Variants in KALRN observed in about 807,000 individuals in gnomAD.
KALRN encodes kalirin.
In KALRN, 70 loss-of-function variants were observed where a neutral mutation model predicts 353.7. The observed-to-expected ratio is 0.20, with a 90% CI of 0.16 to 0.24. The LOEUF (loss-of-function observed/expected upper bound fraction) is 0.24, where lower values mean the gene tolerates loss of function less well. Among genes scored for constraint, KALRN ranks in the 10% least tolerant of loss-of-function variants. KALRN has a pLI of 1.00. For synonymous variants in KALRN, 1,391 were observed against 1,434.8 expected (o/e 0.97, Z 0.69); for missense variants, 2,791 against 3,756.7 (o/e 0.74, Z 6.72).
intron 1 of KALRN, among the ~76,000 whole-genome samples, chr3:124,067,547 T>C (rs2042478213): frequency 6.6e-6 from 1 of 151,920 alleles, no homozygotes. Flanking sequence ...AGAGAAAAGA[T>C]ATGGGATAGG....
rs535386155 is a variant in KALRN, at chr3:124,268,681, A to G, written c.457-62A>G. On this transcript the variant is annotated intron_variant, in intron 4 of 59. Coordinates refer to ENST00000682506, the MANE Select transcript of KALRN (RefSeq NM_001388419.1). ...TTTATCTTGTCCTTTCCCTCATCCT[A>G]TTTCTGCCCTGTTCTTCCCCTGACA... 5.2e-6 allele frequency: 8 copies of G among 1,543,210 alleles called. No individual in the cohort carries two copies. In the Admixed American group the frequency reaches 8.5e-5, roughly 16 times the overall value.
intron 34 of KALRN, among the ~76,000 whole-genome samples, chr3:124,594,643 G>C (rs773837301): frequency 1.6e-4 from 24 of 152,208 alleles, no homozygotes; most frequent in Non-Finnish European, 1.0e-4. Flanking sequence ...CCTGGGAAGA[G>C]TCCTGGGTTA....
intron 38 of KALRN, 103 bp from the exon 39 acceptor site, chr3:124,655,498 G>T: frequency 1.2e-6 from 1 of 844,722 alleles, no homozygotes; most frequent in South Asian, 1.5e-5. Flanking sequence ...GTTTTAAGGG[G>T]TCTTGTTATA....
intron 55 of KALRN, among the ~76,000 whole-genome samples, chr3:124,698,157 C>A (rs1185343446): frequency 6.6e-6 from 1 of 152,154 alleles, no homozygotes; most frequent in Non-Finnish European, 1.5e-5. Flanking sequence ...TTAGTAGAGA[C>A]AGGGTCTCAC....
rs1247485322 is a variant in KALRN at position 124,456,807 on chromosome 3, G to A, written c.3854+79G>A. On this transcript the variant is annotated intron_variant, in intron 23 of 59. Transcript: ENST00000682506. ...TCACCGCTACTTGTCCCTTTGGATA[G>A]CTTAATATGTTCTCATGGCCACCTA... The A allele has an allele frequency of 6.5e-6, 6 of 924,222 alleles. No individual in the cohort carries two copies. The South Asian group carries it at 8.7e-5, about 13-fold the overall frequency. The allele number at this position is 924,222 out of a possible 1,614,324, so 57.3% of individuals were successfully genotyped here. A position where few individuals can be genotyped will look rare whatever the true frequency, so the allele number is the denominator to read the frequency against.
chr3:124,057,190 C>T (rs773467019), intron 1 of KALRN, among the ~76,000 whole-genome samples: 10 of 152,160 alleles, frequency 6.6e-5, no homozygotes, highest in Non-Finnish European at 1.2e-4. Context: ...GCCTTCAGGA[C>T]CATATCCTGT....
Position 124,277,487 on chromosome 3 carries a change from T to C in KALRN, c.969+8232T>C, listed in dbSNP as rs148393443. Among the ~76,000 whole-genome samples the C allele has an allele frequency of 1.8e-3, 276 of 152,314 alleles. 1 individual carries two copies. The highest frequency in any genetic ancestry group is 6.3e-3 in the African/African-American group (263 of 41,576). ...TGGTCCTGGGAATTTCGACTTACTT[T>C]TTCTCATTTCCTCCCCTTGAACATT... On this transcript the variant is annotated intron_variant, in intron 5 of 59. Coordinates refer to ENST00000682506, the MANE Select transcript of KALRN (RefSeq NM_001388419.1).
At chr3:124,620,363 T>C (rs2079133183) in intron 34 of KALRN, among the ~76,000 whole-genome samples, 1 of 152,104 alleles carries the variant, frequency 6.6e-6, no homozygotes, top group South Asian at 2.1e-4. Flanking sequence ...CTTAGCCTTC[T>C]AAAGTGCTGG....
At chr3:124,608,235 G>A (rs1022527417) in intron 34 of KALRN, among the ~76,000 whole-genome samples, 2 of 151,724 alleles carry the variant, frequency 1.3e-5, no homozygotes, top group African/African-American at 4.8e-5. Flanking sequence ...TCAAATTCCT[G>A]GGCCCAAGTG....
rs115448776 is a variant in KALRN at position 124,400,248 on chromosome 3, A to C, written c.2346+1377A>C. 6.8e-3 allele frequency among the ~76,000 whole-genome samples: 1,031 copies of C among 152,298 alleles called. 14 individuals carry two copies. The highest frequency in any genetic ancestry group is 0.024 in the African/African-American group (983 of 41,548). On this transcript the variant is annotated intron_variant, in intron 13 of 59. Coordinates refer to ENST00000682506, the MANE Select transcript of KALRN (RefSeq NM_001388419.1). ...TTTAATCCTAGGTCCAAAAATGTTC[A>C]TATTGAGAATCTGAAATGTAAAAGA...
At chr3:124,188,915 G>A (rs2074565049) in intron 1 of KALRN, among the ~76,000 whole-genome samples, 1 of 152,162 alleles carries the variant, frequency 6.6e-6, no homozygotes, top group South Asian at 2.1e-4. Context: ...GCGTGCTGTG[G>A]GTTTGCATTA....
At chr3:124,715,015 C>CA (rs57167927) in intron 58 of KALRN, among the ~76,000 whole-genome samples, 1,851 of 126,674 alleles carry the variant, frequency 0.015, 22 homozygotes, top group Non-Finnish European at 0.024. Flanking sequence ...GACTCCATCT[C>CA]AAAAAAAAAA....
At chr3:124,182,040 A>G (rs1299677531) in intron 1 of KALRN, among the ~76,000 whole-genome samples, 1 of 152,238 alleles carries the variant, frequency 6.6e-6, no homozygotes, top group Non-Finnish European at 1.5e-5. Flanking sequence ...GATGAAAATT[A>G]TATACAAGAT....
intron 5 of KALRN, among the ~76,000 whole-genome samples, chr3:124,282,379 CTT>C (rs34148546): frequency 5.2e-5 from 7 of 134,740 alleles, no homozygotes; most frequent in Non-Finnish European, 1.6e-5. Flanking sequence ...CTACATTTTT[CTT>C]TTTTTTTTTT....
intron 1 of KALRN, among the ~76,000 whole-genome samples, chr3:124,075,733 C>T (rs1239824704): frequency 6.6e-6 from 1 of 152,126 alleles, no homozygotes; most frequent in Non-Finnish European, 1.5e-5. Flanking sequence ...TTTTGACGTC[C>T]CCTTAATAAT....
intron 10 of KALRN, among the ~76,000 whole-genome samples, chr3:124,372,044 T>A (rs975875743): frequency 6.6e-6 from 1 of 152,194 alleles, no homozygotes. Flanking sequence ...GAACATGAGA[T>A]GTTTGTCTTT....
chr3:124,424,993 G>C (rs777725650), intron 15 of KALRN, among the ~76,000 whole-genome samples: 1 of 152,070 alleles, frequency 6.6e-6, no homozygotes, highest in African/African-American at 2.4e-5. Context: ...GTGGTCCCAG[G>C]AGAAATAGAA....
chr3:124,351,476 C>CA (rs2082828474), intron 10 of KALRN, among the ~76,000 whole-genome samples: 2 of 152,216 alleles, frequency 1.3e-5, no homozygotes, highest in African/African-American at 4.8e-5. Flanking sequence ...TATTTAGGTT[C>CA]AAAAAATTGT....
intron 6 of KALRN, among the ~76,000 whole-genome samples, chr3:124,300,560 A>G (rs1335773065): frequency 6.6e-6 from 1 of 152,206 alleles, no homozygotes; most frequent in Non-Finnish European, 1.5e-5. Context: ...GAAGTGATAC[A>G]TTTGCTCACA....
Sources: gnomAD v4.1 joint callset for allele counts (sites outside exome capture counted in the v4.1 genomes callset) on GRCh38, gnomAD v4.1.1 for gene constraint, MANE v1.5 for transcripts, NCBI Gene and HGNC (gene_info 2026-07-23, HGNC 2026-07-21) for gene names.